The following STAG3 variants were observed in gnomAD, a reference collection of about 807,000 sequenced individuals.
STAG3 encodes STAG3 cohesin complex component.
A neutral mutation model predicts 160.7 loss-of-function variants in STAG3; 101 were observed. The observed-to-expected ratio is 0.63, with a 90% CI of 0.54 to 0.74. The LOEUF is 0.74. STAG3 is among the 30% of genes least tolerant of loss of function. STAG3 has a pLI of 0.00. For missense variants in STAG3, 1,188 were observed against 1,517.4 expected (o/e 0.78, Z 3.61); for synonymous variants, 519 against 585.0 (o/e 0.89, Z 1.63).
Position 100,201,348 on chromosome 7 carries a change from C to T in STAG3, c.2217C>T (p.His739=). ...QKAVDTGEVP[H]QVILPALTLV... ...CTGTGGACACAGGAGAGGTTCCTCACCAGGTGAGTGGACAGGCTAGAGATG... is the reference window on the plus strand; with the variant it reads ...CTGTGGACACAGGAGAGGTTCCTCATCAGGTGAGTGGACAGGCTAGAGATG... Residue 739 remains histidine (H), a synonymous_variant, in exon 21 of 34, where the codon CAC becomes CAT. Coordinates refer to ENST00000615138, the MANE Select transcript of STAG3 (RefSeq NM_001282717.2). The T allele has an allele frequency of 2.5e-6, 4 of 1,613,970 alleles. No homozygotes were observed. Among genetic ancestry groups the T allele is most frequent in the Non-Finnish European group, 3.4e-6 (4 of 1,179,910 alleles).
Position 100,188,841 on chromosome 7 carries a change from A to G in STAG3, c.540A>G (p.Pro180=). ...EDSGDYPLIA[P]GPSWKKFQGS... is the part of the protein sequence containing the mutation. Reference sequence around the variant, plus strand: ...CGGGGGACTACCCTCTCATAGCTCCAGGTCCATCCTGGAAGAAGTTCCAGG... The same window carrying G: ...CGGGGGACTACCCTCTCATAGCTCCGGGTCCATCCTGGAAGAAGTTCCAGG... The change falls in exon 7 of 34, where the codon CCA becomes CCG. Residue 180 remains proline (P), a synonymous_variant. Coordinates refer to ENST00000615138, the MANE Select transcript of STAG3 (RefSeq NM_001282717.2). 6.2e-7 allele frequency: 1 copy of G among 1,614,112 alleles called. No homozygotes were observed. The highest frequency in any genetic ancestry group is 8.5e-7 in the Non-Finnish European group (1 of 1,180,008).
intron 27 of STAG3, 60 bp from the exon 28 acceptor site, chr7:100,204,945 T>C: frequency 1.3e-6 from 2 of 1,592,384 alleles, no homozygotes; most frequent in Non-Finnish European, 1.7e-6. Context: ...ACAGGATAGC[T>C]CAGGCCTGGG....
At chr7:100,216,587 T>C (rs909337657), downstream of STAG3, among the ~76,000 whole-genome samples, 5 of 151,686 alleles carry the variant, frequency 3.3e-5, no homozygotes, top group African/African-American at 1.2e-4. Flanking sequence ...GATCACGAGG[T>C]CAAGAGATTG....
chr7:100,217,715 A>AG (rs1400955250), downstream of STAG3, among the ~76,000 whole-genome samples: 43 of 152,268 alleles, frequency 2.8e-4, no homozygotes, highest in East Asian at 4.4e-3. Flanking sequence ...TCCACCAGAC[A>AG]GGGGTCTTTA....
Position 100,211,164 on chromosome 7 carries a change from C to G in STAG3, c.3392C>G (p.Ser1131Ter), listed in dbSNP as rs1211728731. ...GLKEMEEEDG[S>*]ELDFAQGSQP... Reference sequence around the variant, plus strand: ...AAAGAGATGGAGGAAGAAGATGGCTCAGAGTTGGATTTTGCCCAGGGGTGA... The same window carrying G: ...AAAGAGATGGAGGAAGAAGATGGCTGAGAGTTGGATTTTGCCCAGGGGTGA... Residue 1131 changes from serine to a stop codon, truncating the protein, a stop_gained, in exon 30 of 34, where the codon TCA (serine) becomes TGA (stop). Transcript: ENST00000615138. LOFTEE classifies it high-confidence loss of function. 1 of 1,586,292 alleles carries G rather than the reference C, an allele frequency of 6.3e-7. No homozygotes were observed. Among genetic ancestry groups the G allele is most frequent in the South Asian group, 1.1e-5 (1 of 87,002 alleles).
rs1286229071 is a variant in STAG3, at chr7:100,197,273, T to C, written c.1059T>C (p.His353=). ...TAAAATATATTGGTTGGACTCTGCA[T>C]GATAAGGTGGGATTCGAGTCAGTTT... ...SYLKYIGWTL[H]DKHREVRLKC... The change falls in exon 10 of 34, where the codon CAT becomes CAC. Residue 353 remains histidine (H), a synonymous_variant. Coordinates refer to ENST00000615138, the MANE Select transcript of STAG3 (RefSeq NM_001282717.2). The C allele has an allele frequency of 1.2e-6, 2 of 1,608,286 alleles. No individual in the cohort carries two copies. The highest frequency in any genetic ancestry group is 1.7e-5 in the Admixed American group (1 of 59,956).
In STAG3 at chr7:100,188,489, A is replaced by G. The variant is rs761259984; in HGVS notation, c.470A>G (p.Asn157Ser). The G allele has an allele frequency of 1.2e-6, 2 of 1,613,834 alleles. No individual in the cohort carries two copies. Among genetic ancestry groups the G allele is most frequent in the South Asian group, 2.2e-5 (2 of 91,070 alleles). Residue 157 changes from asparagine (N) to serine (S), a missense_variant, in exon 6 of 34, where the codon AAC becomes AGC. Physicochemically the swap from Asn to Ser is conservative, Grantham distance 46. This residue lies in a region of STAG3 where 296 missense variants were observed against 404.0 expected (regional missense o/e 0.73). Coordinates refer to ENST00000615138, the MANE Select transcript of STAG3 (RefSeq NM_001282717.2). ...CCTGAGATGTTCAAGAAGATGTCCA[A>G]CTCAGAGATCATCCAGCACCTAACA... is the stretch of plus-strand genomic sequence containing the variant. ...VTPEMFKKMS[N>S]SEIIQHLTEQ... is the part of the protein sequence containing the mutation.
chr7:100,202,338 G>C lies in STAG3; in HGVS notation c.2561G>C (p.Ser854Thr), dbSNP rs773045687. Residue 854 changes from serine (S) to threonine (T), a missense_variant and splice_region_variant, in exon 24 of 34, where the codon AGT becomes ACT. Ser to Thr is a moderately conservative substitution (Grantham distance 58, BLOSUM62 1). Transcript: ENST00000615138. ...HVFIQPGDLG[S>T]GDSQEDHLQI... ...TTCATCCAGCCGGGAGACCTGGGCA[G>C]TGGTGCAGTGACTCTATACCTGGGG... The C allele has an allele frequency of 2.5e-6, 4 of 1,614,092 alleles. No homozygotes were observed. Among genetic ancestry groups the C allele is most frequent in the Non-Finnish European group, 3.4e-6 (4 of 1,180,004 alleles).
At chr7:100,186,617 GA>G (rs1314847233) in intron 5 of STAG3, among the ~76,000 whole-genome samples, 2 of 152,142 alleles carry the variant, frequency 1.3e-5, no homozygotes, top group Admixed American at 1.3e-4. Context: ...CCAGGAGGTG[GA>G]GGTTATAGTG....
chr7:100,187,261 GA>G (rs1382335588), intron 5 of STAG3, among the ~76,000 whole-genome samples: 1 of 151,806 alleles, frequency 6.6e-6, no homozygotes, highest in African/African-American at 2.4e-5. Flanking sequence ...GACCTCAGGC[GA>G]TCCCCCTGCC....
chr7:100,210,935 C>A, intron 29 of STAG3, 76 bp from the exon 30 acceptor site: 1 of 1,477,018 alleles, frequency 6.8e-7, no homozygotes, highest in Non-Finnish European at 9.2e-7. Flanking sequence ...CTTACTAAAT[C>A]CTGGGCAGGT....
At position 100,186,489 on chromosome 7, in the gene STAG3, C is replaced by T. The variant is rs373752392; in HGVS notation, c.433+193C>T. 2.6e-5 allele frequency among the ~76,000 whole-genome samples: 4 copies of T among 152,232 alleles called. No individual in the cohort carries two copies. The East Asian group carries it at 7.7e-4, about 29-fold the overall frequency. The stretch of plus-strand genomic sequence containing the variant: ...ATCCCAGCACTTTGGGAAGCTGAGG[C>T]AGGTGGATCACTTGAGGTCAGGAGT... On this transcript the variant is annotated intron_variant, in intron 5 of 33. Transcript: ENST00000615138.
chr7:100,199,478 G>C lies in STAG3; in HGVS notation c.1574-63G>C, dbSNP rs1010757663. 9.0e-6 allele frequency: 14 copies of C among 1,560,124 alleles called. No individual in the cohort carries two copies. The South Asian group carries it at 1.4e-4, about 15-fold the overall frequency. ...CAGCAACGGTGGCATCGGGTGGGGG[G>C]AGCTTGGAGTTGGAAGGTGGCTAAT... On this transcript the variant is annotated intron_variant, in intron 15 of 33. Coordinates refer to ENST00000615138, the MANE Select transcript of STAG3 (RefSeq NM_001282717.2).
In STAG3 at chr7:100,201,792, C is replaced by T; in HGVS notation, c.2227C>T (p.Leu743=). The T allele has an allele frequency of 6.2e-7, 1 of 1,614,144 alleles. No homozygotes were observed. The highest frequency in any genetic ancestry group is 8.5e-7 in the Non-Finnish European group (1 of 1,180,006). The change falls in exon 22 of 34, where the codon CTG becomes TTG. Residue 743 remains leucine (L), a synonymous_variant. Coordinates refer to ENST00000615138, the MANE Select transcript of STAG3 (RefSeq NM_001282717.2). ...AAACCCTTTGTTGTTACAGGTTATC[C>T]TGCCAGCCTTGACTCTTGTCTATTT... ...DTGEVPHQVI[L]PALTLVYFSI... is the part of the protein sequence containing the mutation.
Position 100,214,088 on chromosome 7 carries a change from A to G in STAG3, c.*73A>G. The G allele has an allele frequency of 6.3e-7, 1 of 1,578,796 alleles. No homozygotes were observed. The highest frequency in any genetic ancestry group is 8.7e-7 in the Non-Finnish European group (1 of 1,151,578). On this transcript the variant is annotated 3_prime_UTR_variant, in exon 34 of 34. Transcript: ENST00000615138. ...GACCATTTGGAAAAGGCAAAGAGAA[A>G]AGGAGCAAAATGAAGCATTCCCCCA...
chr7:100,180,235 T>A (rs139335847), intron 1 of STAG3, among the ~76,000 whole-genome samples: 98 of 152,126 alleles, frequency 6.4e-4, no homozygotes, highest in South Asian at 1.9e-3. Context: ...TATTATTATT[T>A]TTTTTTTAGA....
intron 32 of STAG3, 121 bp downstream of exon 32, chr7:100,211,997 A>G: frequency 1.2e-6 from 1 of 823,490 alleles, no homozygotes. Context: ...GAATGAATCT[A>G]GAGTAAAGGA....
At chr7:100,183,465 T>A (rs1249033770) in intron 4 of STAG3, among the ~76,000 whole-genome samples, 3 of 152,258 alleles carry the variant, frequency 2.0e-5, no homozygotes, top group Non-Finnish European at 4.4e-5. Flanking sequence ...TTTAGCTCCA[T>A]CTTGACAATT....
Position 100,214,258 on chromosome 7 carries a change from G to A in STAG3, c.*243G>A, listed in dbSNP as rs1199272321. ...CCTTGCCTTTTTCCTGTTCTGTTTG[G>A]AGTGGAGAAGGGCAGCACCTCTGTG... On this transcript the variant is annotated 3_prime_UTR_variant, in exon 34 of 34. Coordinates refer to ENST00000615138, the MANE Select transcript of STAG3 (RefSeq NM_001282717.2). The A allele has an allele frequency of 6.9e-5, 39 of 567,558 alleles. No individual in the cohort carries two copies. Among genetic ancestry groups the A allele is most frequent in the Non-Finnish European group, 1.1e-4 (36 of 320,868 alleles). The allele number at this position is 567,558 out of a possible 1,614,324, so 35.2% of individuals were successfully genotyped here. A position where few individuals can be genotyped will look rare whatever the true frequency, so the allele number is the denominator to read the frequency against.
Sources: allele counts gnomAD v4.1 joint callset (sites outside exome capture counted in the v4.1 genomes callset), GRCh38; gene constraint gnomAD v4.1.1; regional missense constraint gnomAD v4.1.1; transcripts MANE v1.5; gene names NCBI Gene and HGNC (gene_info 2026-07-23, HGNC 2026-07-21).